Variants in TFB1M observed in about 807,000 individuals in gnomAD.
TFB1M encodes dimethyladenosine transferase 1, mitochondrial.
TFB1M carries 27 observed loss-of-function variants against 31.1 expected under a neutral mutation model. That is an observed-to-expected ratio of 0.87 (90% confidence interval 0.64 to 1.20). The LOEUF (loss-of-function observed/expected upper bound fraction) is 1.20. Ranked by LOEUF, TFB1M falls within the 50% of genes most tolerant of loss-of-function variation. TFB1M has a pLI of 0.00. For synonymous variants in TFB1M, 166 were observed against 151.8 expected, an observed-to-expected ratio of 1.09 and a Z score of -0.69; for missense variants, 394 against 418.7, an observed-to-expected ratio of 0.94 and a Z score of 0.51.
the TFB1M span, among the ~76,000 whole-genome samples, chr6:155,238,219 T>A: frequency 1.3e-5 from 2 of 152,154 alleles, no homozygotes; most frequent in South Asian, 4.1e-4. Context: ...ATAACAAGGG[T>A]CAGCTTTGCT....
intron 5 of TFB1M, among the ~76,000 whole-genome samples, chr6:155,271,088 C>T (rs1459456148): frequency 6.6e-6 from 1 of 152,020 alleles, no homozygotes; most frequent in Non-Finnish European, 1.5e-5. Flanking sequence ...CAAACCAAAA[C>T]AAAAAATCCA....
rs541541502 is a variant in TFB1M at position 155,314,463 on chromosome 6, C to T, written c.-35G>A. ...CAAGCACCATCCAACCCTACCTCAC[C>T]CAGGACCTTCACCGCCGCTCCGAAA... On this transcript the variant is annotated 5_prime_UTR_variant, in exon 1 of 7. Coordinates refer to ENST00000367166, the MANE Select transcript of TFB1M (RefSeq NM_016020.4). The T allele has an allele frequency of 1.1e-5, 17 of 1,613,210 alleles. No individual in the cohort carries two copies. In the South Asian group the frequency reaches 1.9e-4, roughly 18 times the overall value.
At chr6:155,253,146 T>C, downstream of TFB1M, 1 of 1,090,750 alleles carries the variant, frequency 9.2e-7, no homozygotes, top group Non-Finnish European at 1.3e-6. Flanking sequence ...GGATAATTTT[T>C]GGTGCCTTTT....
the TFB1M span, among the ~76,000 whole-genome samples, chr6:155,242,737 T>TTAG: frequency 1.3e-5 from 2 of 152,068 alleles, no homozygotes; most frequent in Non-Finnish European, 2.9e-5. Flanking sequence ...CTTCAAATTA[T>TTAG]TATTATTATT....
At chr6:155,277,041 C>A (rs114858328) in intron 5 of TFB1M, among the ~76,000 whole-genome samples, 2 of 152,228 alleles carry the variant, frequency 1.3e-5, no homozygotes, top group African/African-American at 4.8e-5. Flanking sequence ...GAAAGCCAAA[C>A]CAAACTAAAA....
At chr6:155,249,998 C>G in the TFB1M span, 8 of 1,568,616 alleles carry the variant, frequency 5.1e-6, no homozygotes, top group Non-Finnish European at 6.1e-6. Flanking sequence ...CCCTGGGAGC[C>G]TAGTGCATGT....
chr6:155,292,491 G>A (rs949340481), intron 4 of TFB1M, among the ~76,000 whole-genome samples: 11 of 152,180 alleles, frequency 7.2e-5, no homozygotes, highest in Non-Finnish European at 1.2e-4. Context: ...CATGCAGGGC[G>A]TTGGGTGCCT....
At chr6:155,264,179 A>G (rs1387168269) in intron 5 of TFB1M, 4 of 152,126 alleles carry the variant, frequency 2.6e-5, no homozygotes, top group African/African-American at 7.2e-5. Context: ...GTGCCTCCGG[A>G]TGCTTGGTTT....
At chr6:155,281,756 G>GAACTAAAA (rs1273559826) in intron 5 of TFB1M, among the ~76,000 whole-genome samples, 2 of 141,626 alleles carry the variant, frequency 1.4e-5, no homozygotes, top group South Asian at 2.3e-4. Flanking sequence ...ATAGTGTTGA[G>GAACTAAAA]AACTAAAAAG....
At chr6:155,276,080 G>A (rs1785191064) in intron 5 of TFB1M, 1 of 1,614,174 alleles carries the variant, frequency 6.2e-7, no homozygotes, top group Non-Finnish European at 8.5e-7. Flanking sequence ...TTCCTTTGCT[G>A]GAGGAGTCTG....
At chr6:155,284,447 G>C (rs1776529786) in intron 5 of TFB1M, among the ~76,000 whole-genome samples, 1 of 152,098 alleles carries the variant, frequency 6.6e-6, no homozygotes, top group Non-Finnish European at 1.5e-5. Context: ...ATCGGATTAG[G>C]CTCATATCCC....
At chr6:155,305,417 TTA>T (rs1421321576) in intron 2 of TFB1M, among the ~76,000 whole-genome samples, 1 of 30,726 alleles carries the variant, frequency 3.3e-5, no homozygotes, top group Non-Finnish European at 5.1e-5. Context: ...TATTATTAAA[TTA>T]TATATTTATA....
chr6:155,272,586 G>T (rs1784980310), intron 5 of TFB1M, among the ~76,000 whole-genome samples: 1 of 151,914 alleles, frequency 6.6e-6, no homozygotes, highest in Non-Finnish European at 1.5e-5. Flanking sequence ...AATTTTGAGA[G>T]AACAGGCCAC....
At chr6:155,304,946 T>C (rs904608110) in intron 2 of TFB1M, among the ~76,000 whole-genome samples, 1 of 150,642 alleles carries the variant, frequency 6.6e-6, no homozygotes, top group Non-Finnish European at 1.5e-5. Flanking sequence ...TTGACAATAG[T>C]ACTAAGGCAA....
At chr6:155,298,162 T>C (rs976600091) in intron 3 of TFB1M, among the ~76,000 whole-genome samples, 3 of 152,196 alleles carry the variant, frequency 2.0e-5, no homozygotes, top group Non-Finnish European at 4.4e-5. Context: ...CTTCTTTTTT[T>C]CCACTATTTG....
chr6:155,301,718 A>G (rs1427336023), intron 2 of TFB1M, among the ~76,000 whole-genome samples: 1 of 152,226 alleles, frequency 6.6e-6, no homozygotes, highest in Non-Finnish European at 1.5e-5. Context: ...TCATTACATA[A>G]GGCTATAAAA....
intron 4 of TFB1M, among the ~76,000 whole-genome samples, chr6:155,285,681 T>C (rs185928090): frequency 1.3e-5 from 2 of 152,174 alleles, no homozygotes; most frequent in African/African-American, 2.4e-5. Context: ...CACCCCAATA[T>C]ATGAATGAAC....
chr6:155,269,304 G>C (rs556968014), intron 5 of TFB1M, among the ~76,000 whole-genome samples: 10 of 130,248 alleles, frequency 7.7e-5, no homozygotes, highest in Admixed American at 2.5e-4. Context: ...CTGTAGCTTA[G>C]TTTTCTTTTC....
chr6:155,239,088 T>C, the TFB1M span, among the ~76,000 whole-genome samples: 5 of 152,180 alleles, frequency 3.3e-5, no homozygotes, highest in Admixed American at 3.3e-4. Context: ...ACCAACATGC[T>C]TGTGTAAGCT....
Sources: gnomAD v4.1 joint callset for allele counts (sites outside exome capture counted in the v4.1 genomes callset) on GRCh38, gnomAD v4.1.1 for gene constraint, MANE v1.5 for transcripts, NCBI Gene and HGNC (gene_info 2026-07-23, HGNC 2026-07-21) for gene names.